Variants in HCN1 observed in about 807,000 individuals in gnomAD.
HCN1 encodes hyperpolarization activated cyclic nucleotide gated potassium channel 1.
A neutral mutation model predicts 78.9 loss-of-function variants in HCN1; 13 were observed. The observed-to-expected ratio is 0.16, with a 90% confidence interval of 0.11 to 0.26. HCN1 has a LOEUF of 0.26. HCN1 is among the 10% of genes least tolerant of loss of function. The pLI is 1.00. For missense variants in HCN1, 810 were observed against 1,154.3 expected (o/e 0.70, Z 4.32); for synonymous variants, 552 against 455.5 (o/e 1.21, Z -2.70).
At chr5:45,677,653 G>A (rs1243429601) in intron 1 of HCN1, among the ~76,000 whole-genome samples, 5 of 151,738 alleles carry the variant, frequency 3.3e-5, no homozygotes, top group Non-Finnish European at 7.4e-5. Context: ...GAATGAAAGG[G>A]TTACAGAAAT....
At chr5:45,689,303 GA>G (rs914719052) in intron 1 of HCN1, among the ~76,000 whole-genome samples, 6 of 149,752 alleles carry the variant, frequency 4.0e-5, no homozygotes, top group Admixed American at 3.3e-4. Flanking sequence ...AAAAGTTGAA[GA>G]AAAAAAAATG....
At chr5:45,322,278 T>C (rs72762026) in intron 5 of HCN1, among the ~76,000 whole-genome samples, 118 of 152,000 alleles carry the variant, frequency 7.8e-4, no homozygotes, top group Non-Finnish European at 1.4e-3. Context: ...AATAGGTGAA[T>C]ACTGTGTTTG....
At chr5:45,537,167 G>A (rs933948689) in intron 2 of HCN1, among the ~76,000 whole-genome samples, 1 of 152,112 alleles carries the variant, frequency 6.6e-6, no homozygotes, top group Non-Finnish European at 1.5e-5. Flanking sequence ...ATAGGGTACT[G>A]CCTTAGGCAT....
At chr5:45,357,711 G>A (rs1009591006) in intron 4 of HCN1, among the ~76,000 whole-genome samples, 3 of 152,010 alleles carry the variant, frequency 2.0e-5, no homozygotes, top group African/African-American at 7.2e-5. Flanking sequence ...GTTAGGAGTA[G>A]GGATCATGTT....
In HCN1 at chr5:45,487,399, C is replaced by T. The variant is rs559253418; in HGVS notation, c.850-25392G>A. ...TCAATATAAAGTATATTTTTGAGAG[C>T]GGCATTGTACATTTAAAAGGTTAGT... On this transcript the variant is annotated intron_variant, in intron 2 of 7. Coordinates refer to ENST00000303230, the MANE Select transcript of HCN1 (RefSeq NM_021072.4). 1.2e-4 allele frequency among the ~76,000 whole-genome samples: 18 copies of T among 152,038 alleles called. 1 individual carries two copies. In the South Asian group the frequency reaches 2.1e-3, roughly 18 times the overall value.
intron 4 of HCN1, among the ~76,000 whole-genome samples, chr5:45,387,383 G>A (rs1042834966): frequency 5.9e-5 from 9 of 151,860 alleles, no homozygotes; most frequent in Non-Finnish European, 8.8e-5. Context: ...AAAAATCCAC[G>A]TTAGTGATTC....
intron 5 of HCN1, among the ~76,000 whole-genome samples, chr5:45,314,299 G>A (rs1365504997): frequency 1.3e-5 from 2 of 152,058 alleles, no homozygotes; most frequent in Non-Finnish European, 2.9e-5. Flanking sequence ...ATACTTTACA[G>A]ACAAGCAAAT....
chr5:45,670,197 A>C (rs1025039475), intron 1 of HCN1, among the ~76,000 whole-genome samples: 5 of 151,718 alleles, frequency 3.3e-5, no homozygotes, highest in African/African-American at 1.2e-4. Flanking sequence ...AAAAAGAAGG[A>C]AAGGCAAATT....
At chr5:45,493,931 C>T (rs1168029977) in intron 2 of HCN1, among the ~76,000 whole-genome samples, 1 of 152,064 alleles carries the variant, frequency 6.6e-6, no homozygotes, top group Non-Finnish European at 1.5e-5. Flanking sequence ...GACATGAACT[C>T]ATCATTTTTT....
At chr5:45,567,911 TACACACACACACACACAC>T (rs10601970) in intron 2 of HCN1, among the ~76,000 whole-genome samples, 1 of 144,606 alleles carries the variant, frequency 6.9e-6, no homozygotes, top group African/African-American at 2.5e-5. Context: ...ATATGTGAAG[TACACACACACACACACAC>T]ACACACACAC....
At chr5:45,322,217 G>T (rs1239539192) in intron 5 of HCN1, among the ~76,000 whole-genome samples, 1 of 151,802 alleles carries the variant, frequency 6.6e-6, no homozygotes, top group Non-Finnish European at 1.5e-5. Context: ...ACTTAATAAA[G>T]GTGTTAATGG....
At chr5:45,364,247 C>T (rs540994533) in intron 4 of HCN1, among the ~76,000 whole-genome samples, 1 of 152,212 alleles carries the variant, frequency 6.6e-6, no homozygotes, top group African/African-American at 2.4e-5. Flanking sequence ...TTGGACAATC[C>T]TTCCCACTCA....
chr5:45,530,236 C>A (rs545205299), intron 2 of HCN1, among the ~76,000 whole-genome samples: 10 of 151,954 alleles, frequency 6.6e-5, no homozygotes, highest in African/African-American at 2.4e-4. Context: ...GGGCTTAACT[C>A]ATGTTTGAAA....
chr5:45,407,449 A>G (rs1240000679), intron 3 of HCN1, among the ~76,000 whole-genome samples: 2 of 152,110 alleles, frequency 1.3e-5, no homozygotes, highest in Admixed American at 6.6e-5. Context: ...TATTCTTTCA[A>G]CTTATACAAA....
intron 2 of HCN1, among the ~76,000 whole-genome samples, chr5:45,572,978 A>G (rs1351183389): frequency 6.6e-6 from 1 of 152,204 alleles, no homozygotes; most frequent in Non-Finnish European, 1.5e-5. Flanking sequence ...GAAAGGATCT[A>G]TTGAAACATA....
At chr5:45,332,399 C>G (rs1053687985) in intron 5 of HCN1, among the ~76,000 whole-genome samples, 2 of 151,112 alleles carry the variant, frequency 1.3e-5, no homozygotes, top group African/African-American at 4.8e-5. Flanking sequence ...CTATAGTCAC[C>G]TTGCTGTGCT....
intron 2 of HCN1, chr5:45,575,945 T>G (rs956296682): frequency 7.9e-5 from 12 of 152,058 alleles, no homozygotes; most frequent in Non-Finnish European, 8.8e-5. Flanking sequence ...TGGTGATTCC[T>G]CTGATAAATC....
intron 2 of HCN1, among the ~76,000 whole-genome samples, chr5:45,547,613 A>G (rs2111845556): frequency 6.6e-6 from 1 of 152,012 alleles, no homozygotes. Flanking sequence ...CAAGTGCAGA[A>G]CAAATATCAA....
At chr5:45,602,040 G>A (rs932599555) in intron 2 of HCN1, among the ~76,000 whole-genome samples, 2 of 151,996 alleles carry the variant, frequency 1.3e-5, no homozygotes, top group Non-Finnish European at 2.9e-5. Flanking sequence ...GGGGCTTCCC[G>A]CTTCACTGGG....
Sources: allele counts gnomAD v4.1 joint callset (sites outside exome capture counted in the v4.1 genomes callset), GRCh38; gene constraint gnomAD v4.1.1; transcripts MANE v1.5; gene names NCBI Gene and HGNC (gene_info 2026-07-23, HGNC 2026-07-21).